Variants in CHRM3 observed in about 807,000 individuals in gnomAD.
CHRM3 encodes the protein cholinergic receptor muscarinic 3.
In CHRM3, 11 loss-of-function variants were observed where a neutral mutation model predicts 41.8. That is an observed-to-expected ratio of 0.26 (90% CI 0.17 to 0.44). The LOEUF is 0.44. Ranked by LOEUF, CHRM3 falls within the 20% of genes least tolerant of loss-of-function variation. The pLI is 1.00. For missense variants in CHRM3, 571 were observed against 745.4 expected (o/e 0.77, Z 2.72); for synonymous variants, 297 against 301.4 (o/e 0.99, Z 0.15).
In CHRM3 at chr1:239,874,205, C is replaced by T. The variant is rs117779679; in HGVS notation, c.-19-33228C>T. On this transcript the variant is annotated intron_variant, in intron 6 of 6. Coordinates refer to ENST00000676153, the MANE Select transcript of CHRM3 (RefSeq NM_001375978.1). ...GTATGGGCTTCCTTTGCATAACTTC[C>T]TTGCAGCTTTAGTTTAGTTTTAGAA... Among the ~76,000 whole-genome samples, 325 of 142,462 alleles carry T rather than the reference C, an allele frequency of 2.3e-3. 10 individuals carry two copies. In the East Asian group the frequency reaches 0.063, roughly 28 times the overall value. 93.5% of individuals were successfully genotyped at this position (142,462 alleles called of 152,430 possible).
At position 239,595,887 on chromosome 1, in the gene CHRM3, G is replaced by T. The variant is rs956930644; in HGVS notation, c.-312-36337G>T. On this transcript the variant is annotated intron_variant, in intron 3 of 6. Transcript: ENST00000676153. ...AGATAGTCCCATAATTCTGAATACT[G>T]TTATACCAATCCTTTTTACTATATG... is the stretch of plus-strand genomic sequence containing the variant. Among the ~76,000 whole-genome samples, 3 of 151,960 alleles carry T rather than the reference G, an allele frequency of 2.0e-5. No homozygotes were observed. In the South Asian group the frequency reaches 6.2e-4, roughly 32 times the overall value.
chr1:239,904,162 G>A (rs1213091787), intron 6 of CHRM3, among the ~76,000 whole-genome samples: 1 of 152,194 alleles, frequency 6.6e-6, no homozygotes, highest in African/African-American at 2.4e-5. Flanking sequence ...TAGTAGAAAT[G>A]AGGAAACGTA....
chr1:239,416,219 C>T (rs189482112), intron 1 of CHRM3, among the ~76,000 whole-genome samples: 1 of 152,116 alleles, frequency 6.6e-6, no homozygotes, highest in Non-Finnish European at 1.5e-5. Context: ...TACTTTTTAT[C>T]AGGTTTGATC....
chr1:239,812,811 G>A (rs1255326579), intron 5 of CHRM3, among the ~76,000 whole-genome samples: 1 of 152,170 alleles, frequency 6.6e-6, no homozygotes, highest in East Asian at 1.9e-4. Flanking sequence ...TTAATCTACT[G>A]ATGAGGCACA....
chr1:239,732,829 T>C lies in CHRM3; in HGVS notation c.-147+54541T>C, dbSNP rs997036874. ...ATACCTAATATCTCACTTAGATAAG[T>C]ATACCTAATATCTCACTTAGATAAG... On this transcript the variant is annotated intron_variant, in intron 5 of 6. Transcript: ENST00000676153. Among the ~76,000 whole-genome samples, 46 of 141,800 alleles carry C rather than the reference T, an allele frequency of 3.2e-4. 1 individual carries two copies. Among genetic ancestry groups the C allele is most frequent in the African/African-American group, 1.1e-3 (43 of 39,130 alleles). 93.0% of individuals were successfully genotyped at this position (141,800 alleles called of 152,430 possible).
intron 3 of CHRM3, among the ~76,000 whole-genome samples, chr1:239,576,273 A>T (rs12760829): frequency 3.0e-5 from 3 of 101,134 alleles, no homozygotes; most frequent in Admixed American, 1.1e-4. Flanking sequence ...CTCCCTACCC[A>T]CCCCCATCCC....
At chr1:239,803,997 C>G (rs1214564166) in intron 5 of CHRM3, among the ~76,000 whole-genome samples, 1 of 152,180 alleles carries the variant, frequency 6.6e-6, no homozygotes. Flanking sequence ...CCAAACAAAT[C>G]AATTTACCAC....
intron 5 of CHRM3, among the ~76,000 whole-genome samples, chr1:239,698,773 G>C (rs1660418727): frequency 6.6e-6 from 1 of 152,084 alleles, no homozygotes; most frequent in Admixed American, 6.6e-5. Flanking sequence ...TGTCCTCTGA[G>C]CTCTGACCAA....
intron 5 of CHRM3, among the ~76,000 whole-genome samples, chr1:239,733,820 C>T (rs545112464): frequency 2.0e-5 from 3 of 152,194 alleles, no homozygotes; most frequent in Middle Eastern, 3.4e-3. Flanking sequence ...TATTTAGCAT[C>T]TGTTGTCAAT....
chr1:239,551,044 T>C (rs1659757633), intron 3 of CHRM3, among the ~76,000 whole-genome samples: 1 of 151,428 alleles, frequency 6.6e-6, no homozygotes. Flanking sequence ...ATAAAGCACG[T>C]ACATGCTATA....
At chr1:239,459,840 A>G (rs1361190649) in intron 1 of CHRM3, among the ~76,000 whole-genome samples, 1 of 152,188 alleles carries the variant, frequency 6.6e-6, no homozygotes, top group Non-Finnish European at 1.5e-5. Context: ...AGTAATGTAA[A>G]TGCATTAACA....
rs367942094 is a variant in CHRM3, at chr1:239,396,202, GT to G, written c.-521+8976del. 4.5e-3 allele frequency among the ~76,000 whole-genome samples: 678 copies of G among 152,178 alleles called. 6 individuals are homozygous for G. The highest frequency in any genetic ancestry group is 0.015 in the African/African-American group (627 of 41,524). Reference sequence around the variant, plus strand: ...TTACATTCACTCTTGGTTTTAGTGTGTGTGTGCCACAAATTGTTTGAAATAT... The same window carrying G: ...TTACATTCACTCTTGGTTTTAGTGTGGTGTGCCACAAATTGTTTGAAATAT... On this transcript the variant is annotated intron_variant, in intron 1 of 6. Transcript: ENST00000676153.
At chr1:239,592,503 T>C (rs1291990239) in intron 3 of CHRM3, among the ~76,000 whole-genome samples, 1 of 152,214 alleles carries the variant, frequency 6.6e-6, no homozygotes, top group African/African-American at 2.4e-5. Context: ...ATCCCTATTT[T>C]TGAAATGTCA....
At chr1:239,854,653 A>C (rs113034289) in intron 6 of CHRM3, among the ~76,000 whole-genome samples, 1 of 152,134 alleles carries the variant, frequency 6.6e-6, no homozygotes, top group African/African-American at 2.4e-5. Flanking sequence ...CACATCCAGC[A>C]TGAAACATGG....
intron 4 of CHRM3, among the ~76,000 whole-genome samples, chr1:239,660,370 C>T (rs1673078924): frequency 6.6e-6 from 1 of 151,968 alleles, no homozygotes; most frequent in Non-Finnish European, 1.5e-5. Flanking sequence ...ATACGATCTC[C>T]TCAGCTTCTT....
intron 6 of CHRM3, among the ~76,000 whole-genome samples, chr1:239,892,972 A>G (rs896932418): frequency 1.6e-4 from 25 of 152,300 alleles, no homozygotes; most frequent in Admixed American, 1.3e-4. Flanking sequence ...CATAATACAC[A>G]TTGGAGGGTT....
intron 6 of CHRM3, among the ~76,000 whole-genome samples, chr1:239,828,880 C>T (rs1172526021): frequency 6.6e-6 from 1 of 152,122 alleles, no homozygotes; most frequent in East Asian, 1.9e-4. Flanking sequence ...CAAAGGAAAT[C>T]ACTTCAGAGA....
intron 5 of CHRM3, among the ~76,000 whole-genome samples, chr1:239,691,019 T>C (rs1325207799): frequency 6.6e-6 from 1 of 152,056 alleles, no homozygotes; most frequent in East Asian, 1.9e-4. Flanking sequence ...GCTATTGGTC[T>C]CTAGGCTGGA....
chr1:239,857,341 T>G (rs1675202515), intron 6 of CHRM3, among the ~76,000 whole-genome samples: 1 of 152,210 alleles, frequency 6.6e-6, no homozygotes, highest in South Asian at 2.1e-4. Flanking sequence ...CCAGAATCTC[T>G]CATATTTACT....
Sources: allele counts gnomAD v4.1 joint callset (sites outside exome capture counted in the v4.1 genomes callset), GRCh38; gene constraint gnomAD v4.1.1; transcripts MANE v1.5; gene names NCBI Gene and HGNC (gene_info 2026-07-23, HGNC 2026-07-21).